Variants in ACSL5 observed in about 807,000 individuals in gnomAD.
ACSL5 encodes the protein acyl-CoA synthetase long chain family member 5.
ACSL5 carries 50 observed loss-of-function variants against 84.9 expected under a neutral mutation model. The observed-to-expected ratio is 0.59, with a 90% CI of 0.47 to 0.75. ACSL5 has a LOEUF of 0.75. Ranked by LOEUF, ACSL5 falls within the 30% of genes least tolerant of loss-of-function variation. The pLI is 0.00. For missense variants in ACSL5, 775 were observed against 830.4 expected, an observed-to-expected ratio of 0.93 and a Z score of 0.82; for synonymous variants, 280 against 300.7, an observed-to-expected ratio of 0.93 and a Z score of 0.71.
At chr10:112,386,735 T>C (rs1849461587) in intron 1 of ACSL5, among the ~76,000 whole-genome samples, 1 of 152,212 alleles carries the variant, frequency 6.6e-6, no homozygotes, top group African/African-American at 2.4e-5. Flanking sequence ...TCTTTCCATT[T>C]TTCTAGCCTT....
chr10:112,417,403 T>C (rs1441925701), intron 13 of ACSL5, among the ~76,000 whole-genome samples: 1 of 151,386 alleles, frequency 6.6e-6, no homozygotes, highest in African/African-American at 2.4e-5. Context: ...CATGGGAGGC[T>C]GAGGCAGGAT....
intron 1 of ACSL5, among the ~76,000 whole-genome samples, chr10:112,377,403 G>C (rs1849262172): frequency 6.6e-6 from 1 of 152,166 alleles, no homozygotes; most frequent in African/African-American, 2.4e-5. Context: ...AGCTTGGCGT[G>C]GTGGCGTACG....
At chr10:112,383,635 T>G (rs1849393928) in intron 1 of ACSL5, among the ~76,000 whole-genome samples, 1 of 152,190 alleles carries the variant, frequency 6.6e-6, no homozygotes, top group Non-Finnish European at 1.5e-5. Context: ...CATGAGGGCT[T>G]GGAAGAGGCT....
intron 15 of ACSL5, 89 bp from the exon 16 acceptor site, chr10:112,421,858 C>T (rs1179130818): frequency 6.9e-7 from 1 of 1,442,212 alleles, no homozygotes; most frequent in Admixed American, 1.7e-5. Flanking sequence ...TCTTCCTCTT[C>T]TAGAGTCAAT....
chr10:112,408,301 A>G, intron 5 of ACSL5, 121 bp from the exon 6 acceptor site: 28 of 468,394 alleles, frequency 6.0e-5, no homozygotes, highest in Non-Finnish European at 9.4e-5. Flanking sequence ...ACTGTCTCAA[A>G]AAAAAAAAAA....
intron 13 of ACSL5, among the ~76,000 whole-genome samples, chr10:112,417,370 G>A (rs1844340555): frequency 6.6e-6 from 1 of 151,944 alleles, no homozygotes; most frequent in African/African-American, 2.4e-5. Context: ...GGGCGTGGTG[G>A]TGGGTGCCTG....
chr10:112,417,175 C>T (rs549679244), intron 13 of ACSL5, among the ~76,000 whole-genome samples, 153 bp downstream of exon 13: 102 of 137,008 alleles, frequency 7.4e-4, no homozygotes, highest in African/African-American at 2.7e-3. Context: ...TTTCTTGTAC[C>T]ACTTTACTAC....
chr10:112,417,815 T>C, intron 13 of ACSL5, 31 bp from the exon 14 acceptor site: 1 of 1,589,598 alleles, frequency 6.3e-7, no homozygotes, highest in Non-Finnish European at 8.6e-7. Context: ...AGAGAATAGG[T>C]TTTAGTATGT....
intron 2 of ACSL5, 31 bp from the exon 3 acceptor site, chr10:112,398,870 A>G (rs758347376): frequency 6.3e-7 from 1 of 1,586,268 alleles, no homozygotes; most frequent in Non-Finnish European, 8.7e-7. Flanking sequence ...GGGAGACTTG[A>G]ACTTGGCCTA....
Position 112,391,368 on chromosome 10 carries a change from CA to C in ACSL5, c.-29-3536del, listed in dbSNP as rs35383388. On this transcript the variant is annotated intron_variant, in intron 1 of 20. Transcript: ENST00000354655. ...TGGGCAGCAGAGCCAGACTGTGCCT[CA>C]AAAAAAAAAAAAATTGAGGAAGGAA... Among the ~76,000 whole-genome samples, 284 of 146,422 alleles carry C rather than the reference CA, an allele frequency of 1.9e-3. 1 individual carries two copies. Among genetic ancestry groups the C allele is most frequent in the African/African-American group, 5.7e-3 (225 of 39,544 alleles).
chr10:112,393,593 T>G (rs1843685778), intron 1 of ACSL5, among the ~76,000 whole-genome samples: 1 of 152,190 alleles, frequency 6.6e-6, no homozygotes, highest in Non-Finnish European at 1.5e-5. Context: ...TGATCCAACT[T>G]TTAATTGAGC....
chr10:112,411,240 A>G (rs964824647), intron 9 of ACSL5: 7 of 569,336 alleles, frequency 1.2e-5, no homozygotes, highest in South Asian at 6.4e-5. Flanking sequence ...TGTGCTCTGC[A>G]TAGTAGTAGA....
At chr10:112,411,623 C>A in intron 10 of ACSL5, 94 bp downstream of exon 10, 1 of 1,044,882 alleles carries the variant, frequency 9.6e-7, no homozygotes, top group Non-Finnish European at 1.4e-6. Context: ...CACACACACA[C>A]ACATACACAC....
At chr10:112,414,673 A>C (rs4501923) in intron 12 of ACSL5, among the ~76,000 whole-genome samples, 69,995 of 151,728 alleles carry the variant, frequency 0.46, 16,766 homozygotes, top group South Asian at 0.58. Context: ...CAGTTGGGAA[A>C]CCTCATCAAG....
intron 1 of ACSL5, chr10:112,375,099 T>C (rs1036153723): frequency 6.6e-6 from 1 of 152,036 alleles, no homozygotes; most frequent in African/African-American, 2.4e-5. Flanking sequence ...CCTGAGCCCT[T>C]TGGTGAAGGA....
intron 1 of ACSL5, among the ~76,000 whole-genome samples, chr10:112,392,916 A>AATATAT (rs144204390): frequency 6.8e-6 from 1 of 148,144 alleles, no homozygotes; most frequent in African/African-American, 2.5e-5. Flanking sequence ...CCGTGTCTCA[A>AATATAT]ATATATATAT....
intron 17 of ACSL5, 99 bp from the exon 18 acceptor site, chr10:112,425,239 C>T: frequency 9.0e-7 from 1 of 1,115,874 alleles, no homozygotes; most frequent in South Asian, 1.8e-5. Context: ...CTGGAGAAAT[C>T]AGCTTTAGAG....
Position 112,421,624 on chromosome 10 carries a change from C to T in ACSL5, c.1346C>T (p.Thr449Ile). 6.2e-7 allele frequency: 1 copy of T among 1,614,188 alleles called. No homozygotes were observed. The part of the protein sequence containing the change: ...VYEAYGQTEC[T>I]GGCTFTLPGD... ...GAAGCTTATGGTCAAACAGAATGCA[C>T]AGGTGGCTGTACATTTACATTACCT... is the stretch of plus-strand genomic sequence containing the variant. The change falls in exon 15 of 21, where the codon ACA (threonine) becomes ATA (isoleucine). Residue 449 changes from threonine (T) to isoleucine (I), a missense_variant. Physicochemically the swap from Thr to Ile is moderately conservative, Grantham distance 89. Coordinates refer to ENST00000354655, the MANE Select transcript of ACSL5 (RefSeq NM_203379.2).
chr10:112,411,142 T>C (rs1262619669), intron 9 of ACSL5, among the ~76,000 whole-genome samples: 1 of 152,160 alleles, frequency 6.6e-6, no homozygotes, highest in Non-Finnish European at 1.5e-5. Flanking sequence ...ATTCCAAACA[T>C]ATAAACAGCA....
Sources: allele counts gnomAD v4.1 joint callset (sites outside exome capture counted in the v4.1 genomes callset), GRCh38; gene constraint gnomAD v4.1.1; transcripts MANE v1.5; gene names NCBI Gene and HGNC (gene_info 2026-07-23, HGNC 2026-07-21).